Variants in HTR4 observed in about 807,000 individuals in gnomAD.
The protein encoded by HTR4 is 5-hydroxytryptamine receptor 4.
HTR4 carries 16 observed loss-of-function variants against 36.8 expected under a neutral mutation model. That is an observed-to-expected ratio of 0.43 (90% CI 0.29 to 0.66). The LOEUF (loss-of-function observed/expected upper bound fraction) is 0.66. Ranked by LOEUF, HTR4 falls within the 30% of genes least tolerant of loss-of-function variation. The pLI is 0.13. For missense variants in HTR4, 438 were observed against 490.9 expected (o/e 0.89, Z 1.02); for synonymous variants, 189 against 185.1 (o/e 1.02, Z -0.17).
intron 5 of HTR4, among the ~76,000 whole-genome samples, chr5:148,516,312 CTTTTTT>C (rs954784476): frequency 3.9e-5 from 3 of 76,476 alleles, no homozygotes; most frequent in African/African-American, 1.5e-4. Context: ...ATTCCCCCCT[CTTTTTT>C]TTTTTTTTTT....
intron 1 of HTR4, among the ~76,000 whole-genome samples, chr5:148,643,633 T>A (rs1374143489): frequency 2.0e-5 from 3 of 152,216 alleles, no homozygotes; most frequent in African/African-American, 7.2e-5. Context: ...TAGTACATGA[T>A]CAGCAAGCAC....
chr5:148,620,029 T>C (rs1752855992), intron 2 of HTR4, among the ~76,000 whole-genome samples: 1 of 152,086 alleles, frequency 6.6e-6, no homozygotes, highest in Non-Finnish European at 1.5e-5. Context: ...AGAAACTAAA[T>C]GTGTTGATAT....
intron 1 of HTR4, among the ~76,000 whole-genome samples, chr5:148,644,422 G>T (rs1833715): frequency 0.012 from 480 of 40,544 alleles, 5 homozygotes; most frequent in African/African-American, 0.044. Flanking sequence ...AAGCTCACAA[G>T]TTTTTTTTTT....
At chr5:148,581,300 C>T (rs961626133) in intron 2 of HTR4, among the ~76,000 whole-genome samples, 1 of 151,910 alleles carries the variant, frequency 6.6e-6, no homozygotes, top group African/African-American at 2.4e-5. Flanking sequence ...CATAGGTCGC[C>T]TTTTCACTCT....
chr5:148,614,195 T>A (rs1752563912), intron 2 of HTR4, among the ~76,000 whole-genome samples: 4 of 152,092 alleles, frequency 2.6e-5, no homozygotes, highest in African/African-American at 9.7e-5. Context: ...CAAGTTCATA[T>A]GGAACCAAAA....
In HTR4 at chr5:148,509,883, C is replaced by A; in HGVS notation, c.649G>T (p.Val217Phe). The A allele has an allele frequency of 1.2e-6, 2 of 1,613,904 alleles. No individual in the cohort carries two copies. The highest frequency in any genetic ancestry group is 2.2e-5 in the South Asian group (2 of 91,056). Residue 217 changes from valine to phenylalanine, a missense_variant, in exon 6 of 7, where the codon GTC (valine) becomes TTC (phenylalanine). Physicochemically the swap from Val to Phe is conservative, Grantham distance 50. Coordinates refer to ENST00000377888, the MANE Select transcript of HTR4 (RefSeq NM_000870.7). ...TGATGGGCATGCTCCTTAGCTGTGA[C>A]ATAGATGCGGTAATAGGCCAGCACC... ...LMVLAYYRIY[V>F]TAKEHAHQIQ...
intron 4 of HTR4, among the ~76,000 whole-genome samples, chr5:148,544,947 G>A (rs10050888): frequency 0.16 from 24,053 of 152,194 alleles, 3,446 homozygotes; most frequent in African/African-American, 0.38. Context: ...GCATACTGCC[G>A]GGAATAACAT....
At chr5:148,587,980 C>T (rs184050831) in intron 2 of HTR4, among the ~76,000 whole-genome samples, 1 of 152,324 alleles carries the variant, frequency 6.6e-6, no homozygotes, top group East Asian at 1.9e-4. Flanking sequence ...GGATAACTGA[C>T]TGCCCTCAGT....
intron 2 of HTR4, among the ~76,000 whole-genome samples, chr5:148,618,781 T>C (rs1198016240): frequency 6.6e-6 from 1 of 152,222 alleles, no homozygotes; most frequent in East Asian, 1.9e-4. Flanking sequence ...GCCGTTAAAG[T>C]CTTCATTCAA....
intron 6 of HTR4, among the ~76,000 whole-genome samples, chr5:148,506,523 G>C (rs553015101): frequency 6.6e-6 from 1 of 152,262 alleles, no homozygotes; most frequent in Non-Finnish European, 1.5e-5. Flanking sequence ...ATTGACAAAT[G>C]GGATCTAATT....
chr5:148,603,543 A>G (rs2127271430), intron 2 of HTR4, among the ~76,000 whole-genome samples: 1 of 152,224 alleles, frequency 6.6e-6, no homozygotes, highest in Admixed American at 6.5e-5. Context: ...ATGATGAGGT[A>G]AGAAAACAAA....
At chr5:148,610,313 T>C (rs1003557205) in intron 2 of HTR4, among the ~76,000 whole-genome samples, 42 of 152,160 alleles carry the variant, frequency 2.8e-4, no homozygotes, top group Admixed American at 8.5e-4. Context: ...GTTCTCCCAG[T>C]ACGCAGCTGG....
chr5:148,582,058 T>C (rs1384252053), intron 2 of HTR4, among the ~76,000 whole-genome samples: 1 of 152,078 alleles, frequency 6.6e-6, no homozygotes, highest in East Asian at 1.9e-4. Flanking sequence ...TAGTTAGGTT[T>C]ATTCCTAGGT....
At chr5:148,643,268 TA>T (rs1185257143) in intron 1 of HTR4, among the ~76,000 whole-genome samples, 4 of 152,122 alleles carry the variant, frequency 2.6e-5, no homozygotes, top group Non-Finnish European at 1.5e-5. Context: ...AACTATTATA[TA>T]AAACAGCCCT....
chr5:148,548,988 A>G, intron 3 of HTR4, 120 bp from the exon 4 acceptor site: 1 of 708,746 alleles, frequency 1.4e-6, no homozygotes, highest in Non-Finnish European at 2.4e-6. Context: ...AAAAGAAGGG[A>G]GGGGGAAAGA....
intron 5 of HTR4, among the ~76,000 whole-genome samples, chr5:148,516,451 C>G (rs1757760366): frequency 6.6e-6 from 1 of 150,952 alleles, no homozygotes; most frequent in South Asian, 2.1e-4. Context: ...TCCTGAGTAG[C>G]TGGGATTAAA....
intron 2 of HTR4, among the ~76,000 whole-genome samples, chr5:148,580,837 G>A (rs985391942): frequency 8.6e-5 from 13 of 151,938 alleles, no homozygotes; most frequent in Admixed American, 2.6e-4. Context: ...ATGGGAGTGC[G>A]GATATCTCTT....
intron 6 of HTR4, among the ~76,000 whole-genome samples, chr5:148,502,828 G>A (rs189026619): frequency 2.9e-4 from 44 of 152,300 alleles, no homozygotes; most frequent in African/African-American, 1.0e-3. Context: ...ACCAAGGCAC[G>A]AGAACTACGT....
chr5:148,589,084 AT>A (rs557440614), intron 2 of HTR4, among the ~76,000 whole-genome samples: 10 of 152,124 alleles, frequency 6.6e-5, no homozygotes, highest in African/African-American at 2.4e-4. Context: ...CCCACAATCT[AT>A]TTTTTTCTCC....
Sources: allele counts gnomAD v4.1 joint callset (sites outside exome capture counted in the v4.1 genomes callset), GRCh38; gene constraint gnomAD v4.1.1; transcripts MANE v1.5; gene names NCBI Gene and HGNC (gene_info 2026-07-23, HGNC 2026-07-21).